HECA: variants seen among roughly 807,000 people sequenced by gnomAD.
The protein encoded by HECA is HECA ribonucleoprotein granule regulator.
HECA carries 13 observed loss-of-function variants against 37.6 expected under a neutral mutation model. The observed-to-expected ratio is 0.35, with a 90% confidence interval of 0.23 to 0.55. The LOEUF is 0.55. Ranked by LOEUF, HECA falls within the 20% of genes least tolerant of loss-of-function variation. HECA has a pLI of 0.90. For missense variants in HECA, 527 were observed against 701.9 expected, an observed-to-expected ratio of 0.75 and a Z score of 2.82; for synonymous variants, 307 against 291.5, an observed-to-expected ratio of 1.05 and a Z score of -0.54.
chr6:139,139,005 C>T (rs1582933374), intron 1 of HECA, among the ~76,000 whole-genome samples: 1 of 152,136 alleles, frequency 6.6e-6, no homozygotes, highest in African/African-American at 2.4e-5. Context: ...TTATATCAGG[C>T]CTAAAAATAT....
At chr6:139,138,538 TTG>T (rs1277223467) in intron 1 of HECA, among the ~76,000 whole-genome samples, 1 of 152,220 alleles carries the variant, frequency 6.6e-6, no homozygotes, top group Non-Finnish European at 1.5e-5. Flanking sequence ...TAGAATGGTT[TTG>T]TGTCTTGTAG....
At chr6:139,156,240 C>T (rs756830825) in intron 1 of HECA, among the ~76,000 whole-genome samples, 28 of 151,882 alleles carry the variant, frequency 1.8e-4, no homozygotes, top group Non-Finnish European at 2.9e-5. Flanking sequence ...CTGGCTCTGT[C>T]ACACAGGCTG....
intron 1 of HECA, among the ~76,000 whole-genome samples, chr6:139,143,784 C>T (rs981767559): frequency 6.6e-6 from 1 of 151,762 alleles, no homozygotes. Flanking sequence ...TCGCTTGAAC[C>T]CAGGAGATGG....
intron 2 of HECA, among the ~76,000 whole-genome samples, chr6:139,170,977 A>G (rs1342749750): frequency 6.6e-6 from 1 of 152,172 alleles, no homozygotes; most frequent in Non-Finnish European, 1.5e-5. Flanking sequence ...AACAAAATTC[A>G]CTTTGTTTCT....
chr6:139,149,173 C>T (rs1268145803), intron 1 of HECA, among the ~76,000 whole-genome samples: 1 of 152,102 alleles, frequency 6.6e-6, no homozygotes, highest in Non-Finnish European at 1.5e-5. Context: ...ATTCACACAC[C>T]ATGCATCATG....
intron 1 of HECA, among the ~76,000 whole-genome samples, chr6:139,148,611 C>T (rs922034723): frequency 2.6e-5 from 4 of 152,106 alleles, no homozygotes; most frequent in Admixed American, 2.0e-4. Flanking sequence ...ACTAAAAATG[C>T]TAACATTAGC....
intron 2 of HECA, 85 bp from the exon 3 acceptor site, chr6:139,174,300 T>G: frequency 1.4e-6 from 2 of 1,432,738 alleles, no homozygotes; most frequent in Non-Finnish European, 1.9e-6. Flanking sequence ...TGCTTATAAT[T>G]GGTAGATGAA....
intron 1 of HECA, among the ~76,000 whole-genome samples, chr6:139,140,822 G>A (rs1299437189): frequency 8.5e-5 from 13 of 152,084 alleles, no homozygotes; most frequent in South Asian, 4.2e-4. Context: ...ATGGAGTCTC[G>A]CTCTGTCACC....
intron 1 of HECA, chr6:139,155,846 ACTAC>A (rs200552024): frequency 3.3e-5 from 5 of 152,326 alleles, no homozygotes; most frequent in East Asian, 1.9e-4. Flanking sequence ...GCAAATTTCA[ACTAC>A]TCACATATAA....
At chr6:139,137,815 C>G (rs887503649) in intron 1 of HECA, among the ~76,000 whole-genome samples, 8 of 151,978 alleles carry the variant, frequency 5.3e-5, no homozygotes, top group African/African-American at 1.9e-4. Context: ...TCTGAAGTGG[C>G]AGACTCAAGT....
intron 1 of HECA, among the ~76,000 whole-genome samples, chr6:139,156,388 T>G (rs1774712533): frequency 6.6e-6 from 1 of 152,106 alleles, no homozygotes; most frequent in African/African-American, 2.4e-5. Flanking sequence ...TTTTCTTTTT[T>G]TGATAGAGAT....
chr6:139,166,961 T>G lies in HECA; in HGVS notation c.949T>G (p.Phe317Val). ...HKKAMAGGHV[F>V]RNAHFDYSPA... Reference sequence around the variant, plus strand: ...GAAGGCCATGGCTGGGGGCCATGTGTTCAGAAATGCCCACTTTGATTACAG... The same window carrying G: ...GAAGGCCATGGCTGGGGGCCATGTGGTCAGAAATGCCCACTTTGATTACAG... The change falls in exon 2 of 4, where the codon TTC becomes GTC. Residue 317 changes from phenylalanine (F) to valine (V), a missense_variant. Physicochemically the swap from Phe to Val is conservative, Grantham distance 50. Coordinates refer to ENST00000367658, the MANE Select transcript of HECA (RefSeq NM_016217.3). The G allele has an allele frequency of 6.2e-7, 1 of 1,614,122 alleles. No individual in the cohort carries two copies. The highest frequency in any genetic ancestry group is 8.5e-7 in the Non-Finnish European group (1 of 1,180,012).
At chr6:139,146,743 G>C (rs987169176) in intron 1 of HECA, among the ~76,000 whole-genome samples, 25 of 152,232 alleles carry the variant, frequency 1.6e-4, no homozygotes, top group Admixed American at 1.6e-3. Context: ...GTACATGCCT[G>C]AAAACATAGG....
chr6:139,154,413 A>G (rs949664636), intron 1 of HECA, among the ~76,000 whole-genome samples: 39 of 152,256 alleles, frequency 2.6e-4, no homozygotes, highest in African/African-American at 8.2e-4. Flanking sequence ...GTTTACTAAG[A>G]CACAATGCAG....
chr6:139,149,492 G>A (rs1774626166), intron 1 of HECA, among the ~76,000 whole-genome samples: 1 of 152,170 alleles, frequency 6.6e-6, no homozygotes, highest in Non-Finnish European at 1.5e-5. Context: ...TTTGTAATGT[G>A]GTGCAGTGTG....
intron 1 of HECA, among the ~76,000 whole-genome samples, chr6:139,145,870 G>A (rs1207507461): frequency 2.0e-5 from 3 of 152,160 alleles, no homozygotes; most frequent in Admixed American, 6.5e-5. Context: ...CATCTCTGGT[G>A]ATGAGTCGCT....
intron 1 of HECA, among the ~76,000 whole-genome samples, chr6:139,146,475 C>A (rs919177007): frequency 2.0e-5 from 3 of 152,196 alleles, no homozygotes; most frequent in Non-Finnish European, 4.4e-5. Flanking sequence ...TATAACACAA[C>A]TTCTTATTAA....
At chr6:139,174,131 CT>C (rs1431340882) in intron 2 of HECA, among the ~76,000 whole-genome samples, 1 of 152,182 alleles carries the variant, frequency 6.6e-6, no homozygotes, top group Non-Finnish European at 1.5e-5. Context: ...CCCAGCAGCC[CT>C]TTTTGGAAAA....
chr6:139,151,396 A>G (rs1774648217), intron 1 of HECA: 1 of 152,230 alleles, frequency 6.6e-6, no homozygotes, highest in African/African-American at 2.4e-5. Context: ...TCTTAAAATC[A>G]TCTTGGGAGT....
Sources: allele counts gnomAD v4.1 joint callset (sites outside exome capture counted in the v4.1 genomes callset), GRCh38; gene constraint gnomAD v4.1.1; transcripts MANE v1.5; gene names NCBI Gene and HGNC (gene_info 2026-07-23, HGNC 2026-07-21).